The following SUPT3H variants were observed in gnomAD, a reference collection of about 807,000 sequenced individuals.
SUPT3H encodes transcription initiation protein SPT3 homolog.
SUPT3H carries 44 observed loss-of-function variants against 44.3 expected under a neutral mutation model. That is an observed-to-expected ratio of 0.99 (90% confidence interval 0.78 to 1.28). SUPT3H has a LOEUF of 1.28. Ranked by LOEUF, SUPT3H falls within the 50% of genes most tolerant of loss-of-function variation. The probability of loss-of-function intolerance (pLI) is 0.00; values close to 1 mark genes in which losing one functional copy is unlikely to be tolerated. For synonymous variants in SUPT3H, 124 were observed against 125.6 expected (o/e 0.99, Z 0.09); for missense variants, 380 against 387.1 (o/e 0.98, Z 0.15).
intron 10 of SUPT3H, among the ~76,000 whole-genome samples, chr6:44,923,458 T>C (rs961428760): frequency 6.6e-6 from 1 of 152,134 alleles, no homozygotes; most frequent in East Asian, 1.9e-4. Context: ...AATTGTTCTG[T>C]TGATTAGTAA....
intron 9 of SUPT3H, among the ~76,000 whole-genome samples, chr6:44,935,836 T>G (rs567721791): frequency 6.6e-6 from 1 of 152,210 alleles, no homozygotes; most frequent in Non-Finnish European, 1.5e-5. Context: ...AAAGTTATAC[T>G]GAAACTTAGG....
chr6:45,170,486 A>G (rs1211721418), intron 2 of SUPT3H, among the ~76,000 whole-genome samples: 4 of 152,208 alleles, frequency 2.6e-5, no homozygotes, highest in African/African-American at 7.2e-5. Context: ...TGTTGAATAC[A>G]TCCGCAAATC....
chr6:45,344,882 A>T (rs1374723152), intron 2 of SUPT3H, among the ~76,000 whole-genome samples: 1 of 152,208 alleles, frequency 6.6e-6, no homozygotes, highest in Non-Finnish European at 1.5e-5. Flanking sequence ...CAGAATTTTT[A>T]AATCCCTGAA....
intron 2 of SUPT3H, among the ~76,000 whole-genome samples, chr6:45,256,771 G>A (rs187607077): frequency 9.2e-5 from 14 of 152,196 alleles, no homozygotes; most frequent in Admixed American, 7.2e-4. Context: ...CAGTACTTCC[G>A]TCCTTTTTGT....
At chr6:44,942,228 T>C (rs140759499) in intron 9 of SUPT3H, among the ~76,000 whole-genome samples, 134 of 152,292 alleles carry the variant, frequency 8.8e-4, no homozygotes, top group African/African-American at 3.2e-3. Flanking sequence ...TTTGTTACCA[T>C]AGTTTTAGCT....
At chr6:45,021,544 G>A (rs1052200116) in intron 3 of SUPT3H, among the ~76,000 whole-genome samples, 7 of 151,700 alleles carry the variant, frequency 4.6e-5, no homozygotes, top group Admixed American at 2.0e-4. Context: ...CAAATCTTAC[G>A]GATTGCACCA....
At chr6:45,085,129 T>TA (rs1465164623) in intron 3 of SUPT3H, among the ~76,000 whole-genome samples, 1 of 151,996 alleles carries the variant, frequency 6.6e-6, no homozygotes, top group African/African-American at 2.4e-5. Context: ...TGAAATTTTT[T>TA]AAAAAATTAA....
chr6:45,055,916 A>C (rs558523641), intron 3 of SUPT3H, among the ~76,000 whole-genome samples: 95 of 152,314 alleles, frequency 6.2e-4, no homozygotes, highest in African/African-American at 2.1e-3. Context: ...AATATTAGCA[A>C]ACTCTGCATA....
At chr6:44,923,607 A>G (rs1769070034) in intron 10 of SUPT3H, among the ~76,000 whole-genome samples, 1 of 152,144 alleles carries the variant, frequency 6.6e-6, no homozygotes, top group South Asian at 2.1e-4. Flanking sequence ...TACTAATAAC[A>G]CAAAGTGAAA....
chr6:45,136,599 C>G (rs1804319976), intron 2 of SUPT3H, among the ~76,000 whole-genome samples: 1 of 150,644 alleles, frequency 6.6e-6, no homozygotes, highest in Non-Finnish European at 1.5e-5. Flanking sequence ...TCAACAGAGA[C>G]ATTATTTAAA....
intron 3 of SUPT3H, among the ~76,000 whole-genome samples, chr6:45,062,144 C>T (rs529871370): frequency 6.6e-6 from 1 of 151,786 alleles, no homozygotes; most frequent in Non-Finnish European, 1.5e-5. Context: ...GCAAAGGATA[C>T]AGATGCCTCT....
intron 2 of SUPT3H, among the ~76,000 whole-genome samples, chr6:45,138,796 A>C (rs1804725335): frequency 6.6e-6 from 1 of 152,160 alleles, no homozygotes; most frequent in Non-Finnish European, 1.5e-5. Context: ...TGGTTACACA[A>C]CTCTATAAAT....
chr6:44,883,253 C>A (rs1325830994), intron 10 of SUPT3H, among the ~76,000 whole-genome samples: 1 of 152,110 alleles, frequency 6.6e-6, no homozygotes, highest in Non-Finnish European at 1.5e-5. Flanking sequence ...AGAGCCAAAT[C>A]ATGAGTGAAC....
intron 2 of SUPT3H, among the ~76,000 whole-genome samples, chr6:45,121,595 C>T (rs945767622): frequency 6.6e-6 from 1 of 151,758 alleles, no homozygotes; most frequent in African/African-American, 2.4e-5. Context: ...TTTAAATTAA[C>T]CTGTTCATAA....
intron 11 of SUPT3H, among the ~76,000 whole-genome samples, chr6:44,811,344 A>T (rs574785946): frequency 4.0e-4 from 61 of 152,292 alleles, no homozygotes; most frequent in African/African-American, 1.5e-3. Flanking sequence ...TTTTTGGAGG[A>T]CAGGGTTAGC....
intron 2 of SUPT3H, among the ~76,000 whole-genome samples, chr6:45,165,695 A>G (rs183014482): frequency 6.6e-6 from 1 of 152,346 alleles, no homozygotes; most frequent in Non-Finnish European, 1.5e-5. Context: ...AAAAAACAGA[A>G]TATCAGAGAT....
intron 2 of SUPT3H, among the ~76,000 whole-genome samples, chr6:45,268,636 C>T (rs924749602): frequency 6.6e-6 from 1 of 151,882 alleles, no homozygotes; most frequent in Non-Finnish European, 1.5e-5. Context: ...AGCAGAGGCA[C>T]ACAGAAAACA....
intron 10 of SUPT3H, among the ~76,000 whole-genome samples, chr6:44,889,197 T>C (rs1203155878): frequency 6.6e-6 from 1 of 152,140 alleles, no homozygotes; most frequent in Non-Finnish European, 1.5e-5. Flanking sequence ...CTGTCCAAGG[T>C]AATTTATAGA....
Position 45,055,240 on chromosome 6 carries a change from A to G in SUPT3H, c.187-34608T>C, listed in dbSNP as rs536758112. On this transcript the variant is annotated intron_variant, in intron 3 of 10. Transcript: ENST00000371459. The stretch of plus-strand genomic sequence containing the variant: ...GAATCAGTATTGTGAAAATGACCAT[A>G]CTGCCAAAAGCAATCTACTAATTCA... 2.6e-5 allele frequency among the ~76,000 whole-genome samples: 4 copies of G among 152,248 alleles called. No individual in the cohort carries two copies. The East Asian group carries it at 5.8e-4, about 22-fold the overall frequency.
Sources: gnomAD v4.1 joint callset for allele counts (sites outside exome capture counted in the v4.1 genomes callset) on GRCh38, gnomAD v4.1.1 for gene constraint, MANE v1.5 for transcripts, NCBI Gene and HGNC (gene_info 2026-07-23, HGNC 2026-07-21) for gene names.